PRKN: variants seen among roughly 807,000 people sequenced by gnomAD.
The protein encoded by PRKN is E3 ubiquitin-protein ligase parkin.
Under a neutral mutation model 59.5 loss-of-function variants are expected in PRKN, and 56 were observed. The observed-to-expected ratio is 0.94, with a 90% confidence interval of 0.76 to 1.18. The LOEUF is 1.18. Among genes scored for constraint, PRKN ranks in the 50% most tolerant of loss-of-function variants. PRKN has a pLI of 0.00. For synonymous variants in PRKN, 250 were observed against 222.1 expected (o/e 1.13, Z -1.12); for missense variants, 657 against 596.4 (o/e 1.10, Z -1.06).
intron 2 of PRKN, among the ~76,000 whole-genome samples, chr6:162,414,718 A>G (rs1476122264): frequency 9.7e-6 from 1 of 103,446 alleles, no homozygotes; most frequent in Non-Finnish European, 1.9e-5. Context: ...CTCAAAAAAA[A>G]AAAAAAAAAG....
chr6:162,448,363 T>C (rs1790422506), intron 1 of PRKN, among the ~76,000 whole-genome samples: 1 of 152,024 alleles, frequency 6.6e-6, no homozygotes, highest in Non-Finnish European at 1.5e-5. Flanking sequence ...TATATAGAAA[T>C]TTTCATTGAG....
chr6:162,523,810 A>G (rs556453387), intron 1 of PRKN, among the ~76,000 whole-genome samples: 1 of 152,178 alleles, frequency 6.6e-6, no homozygotes, highest in South Asian at 2.1e-4. Flanking sequence ...TCAGGCTAGG[A>G]GTTCAAGACC....
chr6:162,569,533 T>C, intron 1 of PRKN: 11 of 713,228 alleles, frequency 1.5e-5, no homozygotes, highest in South Asian at 1.4e-4. Context: ...CCAGCGCCTA[T>C]GCAGATGGTC....
rs1484372714 is a variant in PRKN at position 161,413,479 on chromosome 6, G to C, written c.1084-26602C>G. ...ATAGGGATCTGGCCAGCTGGGAATG[G>C]AAGCCAAGTGGGCATGCTGCAGTGA... On this transcript the variant is annotated intron_variant, in intron 9 of 11. Transcript: ENST00000366898. The surrounding 1 kb of genome is among the most constrained non-coding windows in gnomAD (Gnocchi z 4.4). Among the ~76,000 whole-genome samples, 3 of 152,224 alleles carry C rather than the reference G, an allele frequency of 2.0e-5. No homozygotes were observed. The highest frequency in any genetic ancestry group is 4.4e-5 in the Non-Finnish European group (3 of 68,042).
At chr6:161,826,494 T>C (rs1792250173) in intron 6 of PRKN, among the ~76,000 whole-genome samples, 1 of 152,156 alleles carries the variant, frequency 6.6e-6, no homozygotes, top group Non-Finnish European at 1.5e-5. Context: ...AATGTACAAA[T>C]GCAAAAGTGA....
At chr6:161,802,941 C>G (rs542240147) in intron 6 of PRKN, among the ~76,000 whole-genome samples, 1 of 152,136 alleles carries the variant, frequency 6.6e-6, no homozygotes, top group East Asian at 1.9e-4. Context: ...TTACTTAAAG[C>G]TAAAGGCCCT....
intron 7 of PRKN, among the ~76,000 whole-genome samples, chr6:161,747,515 T>C (rs1279866929): frequency 3.9e-5 from 6 of 152,130 alleles, no homozygotes; most frequent in Non-Finnish European, 8.8e-5. Context: ...ACTGTCATAG[T>C]ATAAGAAACT....
At chr6:162,051,749 A>G (rs958545049) in intron 5 of PRKN, among the ~76,000 whole-genome samples, 2 of 152,094 alleles carry the variant, frequency 1.3e-5, no homozygotes, top group Non-Finnish European at 2.9e-5. Flanking sequence ...TGCCGCCCCC[A>G]CATGATCAAA....
chr6:162,636,802 T>C (rs1954804), intron 1 of PRKN, among the ~76,000 whole-genome samples: 29,210 of 151,312 alleles, frequency 0.19, 3,486 homozygotes, highest in East Asian at 0.47. Flanking sequence ...TTGGGCAACA[T>C]ACAGAGACTC....
intron 4 of PRKN, among the ~76,000 whole-genome samples, chr6:162,074,948 C>T (rs1778758377): frequency 6.6e-6 from 1 of 152,086 alleles, no homozygotes; most frequent in Non-Finnish European, 1.5e-5. Flanking sequence ...TTTGTTGTTC[C>T]GTTTCATAGA....
Position 161,942,268 on chromosome 6 carries a change from C to T in PRKN, c.734+31034G>A, listed in dbSNP as rs569993275. 5.9e-5 allele frequency among the ~76,000 whole-genome samples: 9 copies of T among 152,208 alleles called. No individual in the cohort carries two copies. In the South Asian group the frequency reaches 1.7e-3, roughly 28 times the overall value. On this transcript the variant is annotated intron_variant, in intron 6 of 11. Transcript: ENST00000366898. The stretch of plus-strand genomic sequence containing the variant: ...TCCACTCAGGCTGGGCGCGGTGGCT[C>T]ACTCTCAATCCCAGCACTTTGGGAG...
chr6:161,474,495 T>C (rs1055009042), intron 9 of PRKN, among the ~76,000 whole-genome samples: 3 of 152,200 alleles, frequency 2.0e-5, no homozygotes, highest in Admixed American at 1.3e-4. Context: ...TCAGTAGTGT[T>C]AGTGGTATCT....
chr6:162,171,973 T>G (rs1410591684), intron 4 of PRKN, among the ~76,000 whole-genome samples: 1 of 152,188 alleles, frequency 6.6e-6, no homozygotes, highest in Admixed American at 6.5e-5. Flanking sequence ...GCTACTCTTC[T>G]AAGCATTTTA....
At chr6:161,820,957 A>G (rs556382793) in intron 6 of PRKN, among the ~76,000 whole-genome samples, 28 of 152,036 alleles carry the variant, frequency 1.8e-4, no homozygotes, top group African/African-American at 5.5e-4. Context: ...CTCTCTGTAC[A>G]GCGTGATTCT....
At chr6:161,930,912 A>C (rs2128240869) in intron 6 of PRKN, among the ~76,000 whole-genome samples, 1 of 152,318 alleles carries the variant, frequency 6.6e-6, no homozygotes, top group South Asian at 2.1e-4. Flanking sequence ...GCACCTCCAG[A>C]ACCTGGAAAG....
At position 161,410,346 on chromosome 6, in the gene PRKN, C is replaced by T. The variant is rs548793776; in HGVS notation, c.1084-23469G>A. On this transcript the variant is annotated intron_variant, in intron 9 of 11. Coordinates refer to ENST00000366898, the MANE Select transcript of PRKN (RefSeq NM_004562.3). The surrounding 1 kb of genome is among the most constrained non-coding windows in gnomAD (Gnocchi z 5.3). ...GCGCCATGCTGAGCCCCGCTCATAC[C>T]CACTGGGCCCAGCTCTTTTTCAGTC... is the stretch of plus-strand genomic sequence containing the variant. Among the ~76,000 whole-genome samples the T allele has an allele frequency of 6.6e-6, 1 of 152,136 alleles. No individual in the cohort carries two copies. Among genetic ancestry groups the T allele is most frequent in the Non-Finnish European group, 1.5e-5 (1 of 68,032 alleles).
rs199547341 is a variant in PRKN, at chr6:161,771,372, T to G, written c.871+14400A>C. Among the ~76,000 whole-genome samples the G allele has an allele frequency of 5.1e-4, 19 of 36,958 alleles. 1 individual carries two copies. Among genetic ancestry groups the G allele is most frequent in the African/African-American group, 1.0e-3 (14 of 13,812 alleles). 24.2% of individuals were successfully genotyped at this position (36,958 alleles called of 152,430 possible). ...CTCCACCTCAAAAAAAAAAAAAAAA[T>G]AAAATAAAATAAAATAAAATAAAAT... On this transcript the variant is annotated intron_variant, in intron 7 of 11. Coordinates refer to ENST00000366898, the MANE Select transcript of PRKN (RefSeq NM_004562.3).
intron 4 of PRKN, among the ~76,000 whole-genome samples, chr6:162,179,430 C>G (rs1783691412): frequency 6.6e-6 from 1 of 152,118 alleles, no homozygotes; most frequent in Admixed American, 6.6e-5. Context: ...CACCATGGCT[C>G]TCCTGACTGC....
chr6:162,448,061 T>C (rs1475548688), intron 1 of PRKN, among the ~76,000 whole-genome samples: 1 of 152,136 alleles, frequency 6.6e-6, no homozygotes, highest in Non-Finnish European at 1.5e-5. Context: ...GATAGACCAT[T>C]AACATGAGCA....
Sources: allele counts gnomAD v4.1 joint callset (sites outside exome capture counted in the v4.1 genomes callset), GRCh38; gene constraint gnomAD v4.1.1; non-coding constraint Gnocchi (gnomAD v3.1); transcripts MANE v1.5; gene names NCBI Gene and HGNC (gene_info 2026-07-23, HGNC 2026-07-21).